CYRIB: variants seen among roughly 807,000 people sequenced by gnomAD.
CYRIB encodes the protein CYFIP related Rac1 interactor B.
CYRIB carries 8 observed loss-of-function variants against 44.2 expected under a neutral mutation model. That is an observed-to-expected ratio of 0.18 (90% confidence interval 0.11 to 0.33). CYRIB has a LOEUF of 0.33. Ranked by LOEUF, CYRIB falls within the 10% of genes least tolerant of loss-of-function variation. The probability of loss-of-function intolerance (pLI) is 1.00; values close to 1 mark genes in which losing one functional copy is unlikely to be tolerated. For missense variants in CYRIB, 185 were observed against 382.8 expected (o/e 0.48, Z 4.31); for synonymous variants, 131 against 127.2 (o/e 1.03, Z -0.20).
chr8:129,969,697 C>A (rs2095618431), intron 2 of CYRIB, among the ~76,000 whole-genome samples: 1 of 152,112 alleles, frequency 6.6e-6, no homozygotes, highest in African/African-American at 2.4e-5. Flanking sequence ...GGGTTGGGCA[C>A]CATATGTAAT....
intron 1 of CYRIB, among the ~76,000 whole-genome samples, chr8:129,924,387 G>A (rs1287694941): frequency 7.2e-6 from 1 of 139,338 alleles, no homozygotes; most frequent in African/African-American, 2.7e-5. Flanking sequence ...TTCCAGAACA[G>A]ATCTGCCTAT....
intron 2 of CYRIB, among the ~76,000 whole-genome samples, chr8:129,884,550 A>T (rs2134211925): frequency 6.6e-6 from 1 of 152,288 alleles, no homozygotes; most frequent in East Asian, 1.9e-4. Flanking sequence ...AGCCTCCCAA[A>T]GTGCTAGGAT....
At chr8:129,960,235 CCAAA>C (rs1166280942) in intron 2 of CYRIB, among the ~76,000 whole-genome samples, 8 of 152,180 alleles carry the variant, frequency 5.3e-5, no homozygotes, top group Non-Finnish European at 1.0e-4. Context: ...TCACCCAGGG[CCAAA>C]CAGAGTTTCT....
chr8:130,003,897 T>A (rs985506313), intron 1 of CYRIB, among the ~76,000 whole-genome samples: 4 of 152,216 alleles, frequency 2.6e-5, no homozygotes, highest in African/African-American at 4.8e-5. Flanking sequence ...CGAAGCCCTT[T>A]CAGATCAACT....
upstream of CYRIB, among the ~76,000 whole-genome samples, chr8:129,942,658 A>C (rs190158964): frequency 6.6e-5 from 10 of 152,350 alleles, no homozygotes; most frequent in Middle Eastern, 3.4e-3. Flanking sequence ...GCAAAAAAAA[A>C]GGGCTTACAT....
At chr8:129,890,149 A>G (rs2064577256) in intron 2 of CYRIB, among the ~76,000 whole-genome samples, 1 of 152,236 alleles carries the variant, frequency 6.6e-6, no homozygotes, top group Non-Finnish European at 1.5e-5. Context: ...TCACATGAAC[A>G]CAGCTGATAA....
At chr8:129,849,174 A>G in intron 10 of CYRIB, 69 bp downstream of exon 12, 2 of 1,458,860 alleles carry the variant, frequency 1.4e-6, no homozygotes, top group Non-Finnish European at 1.8e-6. Context: ...GGCTCTTATC[A>G]TAAAATAAAA....
At chr8:129,911,275 C>T (rs2077860692) in intron 1 of CYRIB, among the ~76,000 whole-genome samples, 1 of 151,982 alleles carries the variant, frequency 6.6e-6, no homozygotes, top group Admixed American at 6.6e-5. Context: ...CAATCAGAGG[C>T]TTTAAAAGGT....
At chr8:129,863,373 A>T (rs556535058) in intron 4 of CYRIB, among the ~76,000 whole-genome samples, 6 of 152,142 alleles carry the variant, frequency 3.9e-5, no homozygotes, top group Non-Finnish European at 8.8e-5. Flanking sequence ...AAAAATACAA[A>T]AATTAGTCAG....
At chr8:129,968,591 T>C (rs1487566969) in intron 2 of CYRIB, among the ~76,000 whole-genome samples, 3 of 152,242 alleles carry the variant, frequency 2.0e-5, no homozygotes, top group Admixed American at 6.5e-5. Flanking sequence ...GTATAGGTTG[T>C]TGAAATATGC....
intron 1 of CYRIB, among the ~76,000 whole-genome samples, chr8:129,998,425 G>T (rs1002344392): frequency 1.3e-5 from 2 of 152,210 alleles, no homozygotes; most frequent in African/African-American, 2.4e-5. Context: ...ATCAAAGAGA[G>T]CAAAGGAGGG....
chr8:129,865,218 T>C (rs2052763786), intron 4 of CYRIB, among the ~76,000 whole-genome samples: 1 of 152,248 alleles, frequency 6.6e-6, no homozygotes, highest in South Asian at 2.1e-4. Flanking sequence ...TCTAGTAAGA[T>C]AAACTTTGGA....
intron 1 of CYRIB, among the ~76,000 whole-genome samples, chr8:129,977,989 G>T (rs998199923): frequency 6.6e-6 from 1 of 152,092 alleles, no homozygotes; most frequent in African/African-American, 2.4e-5. Flanking sequence ...TCTCACTGTG[G>T]CCTCGAACTC....
chr8:129,882,696 C>T (rs1275627547), intron 2 of CYRIB, among the ~76,000 whole-genome samples: 1 of 152,120 alleles, frequency 6.6e-6, no homozygotes, highest in Non-Finnish European at 1.5e-5. Flanking sequence ...TAGCCATGTA[C>T]GTCTGCTCCA....
At chr8:129,927,206 C>T (rs298605) in intron 1 of CYRIB, among the ~76,000 whole-genome samples, 61,854 of 151,930 alleles carry the variant, frequency 0.41, 13,619 homozygotes, top group East Asian at 0.55. Flanking sequence ...GCAGGAGAAT[C>T]GCTTGAACCC....
chr8:129,884,784 T>G (rs2062080217), intron 2 of CYRIB, among the ~76,000 whole-genome samples: 1 of 152,218 alleles, frequency 6.6e-6, no homozygotes, highest in East Asian at 1.9e-4. Flanking sequence ...AAGCTAAAAA[T>G]AAATTTAACA....
intron 1 of CYRIB, among the ~76,000 whole-genome samples, chr8:129,935,422 A>G (rs1481002882): frequency 6.6e-6 from 1 of 152,188 alleles, no homozygotes; most frequent in Non-Finnish European, 1.5e-5. Flanking sequence ...AGATTCTCAC[A>G]TGGAGCACAA....
chr8:129,844,048 T>C (rs560899539), intron 11 of CYRIB: 33 of 152,354 alleles, frequency 2.2e-4, no homozygotes, highest in African/African-American at 7.9e-4. Flanking sequence ...TTTATGTAGA[T>C]AAAGTATACG....
intron 3 of CYRIB, among the ~76,000 whole-genome samples, chr8:129,873,660 T>C (rs367805211): frequency 6.6e-6 from 1 of 152,020 alleles, no homozygotes; most frequent in African/African-American, 2.4e-5. Flanking sequence ...TCTGTGAAGT[T>C]TGAAAATGCT....
Sources: allele counts gnomAD v4.1 joint callset (sites outside exome capture counted in the v4.1 genomes callset), GRCh38; gene constraint gnomAD v4.1.1; transcripts MANE v1.5; gene names NCBI Gene and HGNC (gene_info 2026-07-23, HGNC 2026-07-21).